PDE11A: variants seen among roughly 807,000 people sequenced by gnomAD.
The protein encoded by PDE11A is phosphodiesterase 11A, also known as dual 3',5'-cyclic-AMP and -GMP phosphodiesterase 11A.
In PDE11A, 100 loss-of-function variants were observed where a neutral mutation model predicts 100.5. That is an observed-to-expected ratio of 1.00 (90% CI 0.85 to 1.18). The LOEUF (loss-of-function observed/expected upper bound fraction) is 1.18. Among genes scored for constraint, PDE11A ranks in the 50% most tolerant of loss-of-function variants. The pLI is 0.00. For missense variants in PDE11A, 1,141 were observed against 1,152.6 expected (o/e 0.99, Z 0.15); for synonymous variants, 381 against 420.8 (o/e 0.91, Z 1.16).
intron 1 of PDE11A, among the ~76,000 whole-genome samples, chr2:178,022,589 T>C (rs2086426448): frequency 6.6e-6 from 1 of 151,888 alleles, no homozygotes; most frequent in African/African-American, 2.4e-5. Context: ...CTTCAGAAGG[T>C]CATCACAATC....
intron 5 of PDE11A, among the ~76,000 whole-genome samples, chr2:177,841,776 G>A (rs943465268): frequency 2.0e-5 from 3 of 152,136 alleles, no homozygotes; most frequent in African/African-American, 4.8e-5. Flanking sequence ...CTGAAAAATG[G>A]AAGTTTTAAT....
intron 2 of PDE11A, among the ~76,000 whole-genome samples, chr2:178,103,172 T>C (rs1473012431): frequency 7.7e-6 from 1 of 130,172 alleles, no homozygotes; most frequent in Non-Finnish European, 1.7e-5. Flanking sequence ...TTGTTAAATA[T>C]ACATTTCCAG....
intron 1 of PDE11A, among the ~76,000 whole-genome samples, chr2:178,037,286 G>C (rs947592428): frequency 6.6e-6 from 1 of 152,180 alleles, no homozygotes; most frequent in Non-Finnish European, 1.5e-5. Context: ...ATCATCACTG[G>C]TCATTAGAGA....
chr2:177,937,506 A>G (rs35403482), intron 2 of PDE11A, among the ~76,000 whole-genome samples: 13,109 of 151,892 alleles, frequency 0.086, 536 homozygotes, highest in South Asian at 0.099. Flanking sequence ...TTCAGCAGAG[A>G]CGGGGTTTCA....
At chr2:177,934,796 A>G (rs577146181) in intron 2 of PDE11A, among the ~76,000 whole-genome samples, 1 of 152,366 alleles carries the variant, frequency 6.6e-6, no homozygotes, top group African/African-American at 2.4e-5. Context: ...ATGGACTACC[A>G]TGCAGCCATA....
At position 177,652,625 on chromosome 2, in the gene PDE11A, G is replaced by A. The variant is rs545183838; in HGVS notation, c.2646+11241C>T. 5.8e-4 allele frequency among the ~76,000 whole-genome samples: 88 copies of A among 152,222 alleles called. No individual in the cohort carries two copies. In the Middle Eastern group the frequency reaches 0.01, roughly 18 times the overall value. On this transcript the variant is annotated intron_variant, in intron 19 of 19. Coordinates refer to ENST00000286063, the MANE Select transcript of PDE11A (RefSeq NM_016953.4). ...TGGAGCCTTGAGGATGGGACTATAC[G>A]CATGAGACTGGGATCAGAGTGGAGG... is the stretch of plus-strand genomic sequence containing the variant.
intron 1 of PDE11A, among the ~76,000 whole-genome samples, chr2:178,052,097 G>T (rs937831386): frequency 2.6e-5 from 4 of 152,034 alleles, no homozygotes; most frequent in African/African-American, 7.3e-5. Flanking sequence ...TTCCAAAATT[G>T]ACCACATAGT....
rs1233995428 is a variant in PDE11A at position 177,946,991 on chromosome 2, C to T, written c.1072-41804G>A. 2.2e-3 allele frequency among the ~76,000 whole-genome samples: 264 copies of T among 120,210 alleles called. 2 individuals carry two copies. The highest frequency in any genetic ancestry group is 0.017 in the East Asian group (62 of 3,592). 78.9% of individuals were successfully genotyped at this position (120,210 alleles called of 152,430 possible). ...GGGGTCAGCCCCCCGCCCGGCCAGC[C>T]GCCCCGTCCGGGAAGGAGGTGGGGG... On this transcript the variant is annotated intron_variant, in intron 2 of 19. Transcript: ENST00000286063.
At chr2:177,840,622 A>C (rs1341587916) in intron 5 of PDE11A, among the ~76,000 whole-genome samples, 2 of 152,200 alleles carry the variant, frequency 1.3e-5, no homozygotes, top group Non-Finnish European at 2.9e-5. Flanking sequence ...TGATTCAGAG[A>C]GACTCTAGGC....
chr2:177,641,051 A>T (rs1473636653), intron 19 of PDE11A, among the ~76,000 whole-genome samples: 2 of 152,162 alleles, frequency 1.3e-5, no homozygotes, highest in Non-Finnish European at 2.9e-5. Context: ...CCAGTCTCCC[A>T]GCCTTCCTCT....
chr2:177,788,027 A>C, intron 9 of PDE11A, among the ~76,000 whole-genome samples: 1 of 152,018 alleles, frequency 6.6e-6, no homozygotes. Context: ...TCAGCTCTGC[A>C]CCAAGCGGAC....
chr2:177,998,670 C>T (rs2086106983), intron 2 of PDE11A: 2 of 1,217,012 alleles, frequency 1.6e-6, no homozygotes, highest in East Asian at 2.3e-5. Flanking sequence ...ACCTTTCACA[C>T]CATCCAGTAT....
intron 2 of PDE11A, among the ~76,000 whole-genome samples, chr2:177,983,022 C>A (rs2105804380): frequency 6.6e-6 from 1 of 150,578 alleles, no homozygotes. Flanking sequence ...TTTGCAGTGA[C>A]CTGAGATCGC....
At chr2:177,728,775 A>G (rs2081640274) in intron 10 of PDE11A, among the ~76,000 whole-genome samples, 1 of 152,210 alleles carries the variant, frequency 6.6e-6, no homozygotes, top group South Asian at 2.1e-4. Flanking sequence ...CACTGAGGAG[A>G]TCAATTTTGC....
At chr2:177,745,862 A>G (rs1485265219) in intron 10 of PDE11A, among the ~76,000 whole-genome samples, 2 of 152,198 alleles carry the variant, frequency 1.3e-5, no homozygotes, top group African/African-American at 4.8e-5. Context: ...GGTATCAGCC[A>G]TGGCTGCCAG....
chr2:177,939,737 C>T (rs2085324461), intron 2 of PDE11A, among the ~76,000 whole-genome samples: 1 of 152,176 alleles, frequency 6.6e-6, no homozygotes, highest in South Asian at 2.1e-4. Context: ...GAGGGACTGT[C>T]TAGGACATGA....
At chr2:177,669,449 T>C (rs2080640553) in intron 18 of PDE11A, 44 bp downstream of exon 18, 2 of 838,030 alleles carry the variant, frequency 2.4e-6, no homozygotes, top group East Asian at 2.4e-5. Context: ...TTTGAAAATG[T>C]CATTCAAAAG....
intron 2 of PDE11A, among the ~76,000 whole-genome samples, chr2:178,093,253 C>T (rs2087446127): frequency 1.3e-5 from 2 of 152,168 alleles, no homozygotes; most frequent in Admixed American, 6.5e-5. Flanking sequence ...AGTTCCTCAT[C>T]CTCCAAGAAT....
At chr2:178,061,364 T>C (rs538301800) in intron 1 of PDE11A, among the ~76,000 whole-genome samples, 2 of 152,060 alleles carry the variant, frequency 1.3e-5, no homozygotes, top group African/African-American at 2.4e-5. Flanking sequence ...CATCCTACAA[T>C]GCACAGGTCA....
Sources: gnomAD v4.1 joint callset for allele counts (sites outside exome capture counted in the v4.1 genomes callset) on GRCh38, gnomAD v4.1.1 for gene constraint, MANE v1.5 for transcripts, NCBI Gene and HGNC (gene_info 2026-07-23, HGNC 2026-07-21) for gene names.